The following ARHGAP25 variants were observed in gnomAD, a reference collection of about 807,000 sequenced individuals.
The protein encoded by ARHGAP25 is Rho GTPase activating protein 25.
In ARHGAP25, 34 loss-of-function variants were observed where a neutral mutation model predicts 71.0. That is an observed-to-expected ratio of 0.48 (90% CI 0.36 to 0.64). The LOEUF (loss-of-function observed/expected upper bound fraction) is 0.64. ARHGAP25 is among the 30% of genes least tolerant of loss of function. The pLI, the probability that ARHGAP25 is intolerant of heterozygous loss-of-function variation, is 0.00. For synonymous variants in ARHGAP25, 282 were observed against 296.5 expected (o/e 0.95, Z 0.50); for missense variants, 706 against 805.1 (o/e 0.88, Z 1.49).
rs757436657 is a variant in ARHGAP25 at position 68,819,238 on chromosome 2, A to T, written c.1119A>T (p.Lys373Asn). 5.2e-5 allele frequency: 84 copies of T among 1,614,068 alleles called. No homozygotes were observed. The highest frequency in any genetic ancestry group is 6.9e-5 in the Non-Finnish European group (82 of 1,180,042). ...CTGCCCAGAAAAATGACCCCAAGAA[A>T]GCTCCAGTGGCCCGAAGCTCTGTAG... ...SPPAQKNDPKKAPVARSSVGW... is the reference protein window; with the variant it reads ...SPPAQKNDPKNAPVARSSVGW... The change falls in exon 9 of 11, where the codon AAA (lysine) becomes AAT (asparagine). Residue 373 changes from lysine to asparagine, a missense_variant. Coordinates refer to ENST00000409202, the MANE Select transcript of ARHGAP25 (RefSeq NM_001007231.3).
chr2:68,810,724 TTCTTC>T (rs201802479), intron 5 of ARHGAP25, among the ~76,000 whole-genome samples: 2,561 of 81,688 alleles, frequency 0.031, 75 homozygotes, highest in African/African-American at 0.095. Flanking sequence ...TTCTTTTCTT[TTCTTC>T]TCTTTTTTTT....
chr2:68,816,156 C>T lies in ARHGAP25; in HGVS notation c.808-133C>T, dbSNP rs749505075. 8 of 780,278 alleles carry T rather than the reference C, an allele frequency of 1.0e-5. No individual in the cohort carries two copies. The South Asian group carries it at 1.1e-4, about 11-fold the overall frequency. 48.3% of individuals were successfully genotyped at this position (780,278 alleles called of 1,614,324 possible). ...CCTTTTTTTTTTTAAACCCACAGAA[C>T]TACAGGAACAGGAATGACTGCCAAA... On this transcript the variant is annotated intron_variant, in intron 6 of 10. Coordinates refer to ENST00000409202, the MANE Select transcript of ARHGAP25 (RefSeq NM_001007231.3).
At chr2:68,716,721 T>G (rs1674615629) in intron 2 of ARHGAP25, among the ~76,000 whole-genome samples, 1 of 152,220 alleles carries the variant, frequency 6.6e-6, no homozygotes, top group Non-Finnish European at 1.5e-5. Context: ...GCACTTACAC[T>G]GGTGAGAAAC....
chr2:68,819,555 T>G, intron 9 of ARHGAP25: 1 of 675,190 alleles, frequency 1.5e-6, no homozygotes. Context: ...ACCCAGTGAC[T>G]GAGCAATGAG....
intron 8 of ARHGAP25, 139 bp from the exon 9 acceptor site, chr2:68,818,984 C>A: frequency 1.5e-6 from 1 of 674,714 alleles, no homozygotes; most frequent in Non-Finnish European, 2.4e-6. Flanking sequence ...TAAAAAGGGT[C>A]TTTTGAGAAG....
intron 3 of ARHGAP25, among the ~76,000 whole-genome samples, chr2:68,784,147 C>G (rs1678556809): frequency 6.6e-6 from 1 of 152,006 alleles, no homozygotes. Flanking sequence ...GATCCTTTTT[C>G]TCTCTCTCTT....
chr2:68,749,899 ACTTT>A (rs1242638491), intron 1 of ARHGAP25, among the ~76,000 whole-genome samples: 3 of 152,236 alleles, frequency 2.0e-5, no homozygotes, highest in East Asian at 3.8e-4. Flanking sequence ...CAATTTTGTT[ACTTT>A]ATCATAGTGG....
At chr2:68,765,169 A>T (rs1037616555) in intron 1 of ARHGAP25, among the ~76,000 whole-genome samples, 2 of 152,126 alleles carry the variant, frequency 1.3e-5, no homozygotes, top group Non-Finnish European at 1.5e-5. Context: ...TAAGTCCCTC[A>T]GTTCTTCCCA....
At chr2:68,786,706 A>G (rs972820805) in intron 3 of ARHGAP25, among the ~76,000 whole-genome samples, 2 of 152,208 alleles carry the variant, frequency 1.3e-5, no homozygotes, top group African/African-American at 2.4e-5. Flanking sequence ...GGTGAGGCTC[A>G]GTGATATTAA....
Position 68,807,332 on chromosome 2 carries a change from C to G in ARHGAP25, c.526C>G (p.Leu176Val). 1 of 1,614,260 alleles carries G rather than the reference C, an allele frequency of 6.2e-7. No homozygotes were observed. Among genetic ancestry groups the G allele is most frequent in the Non-Finnish European group, 8.5e-7 (1 of 1,180,048 alleles). ...VAYEQKFGPH[L>V]VPILVEKCAE... ...CTATGAACAGAAATTCGGCCCCCAT[C>G]TGGTGCCCATCCTGGTGGAGAAATG... is the stretch of plus-strand genomic sequence containing the variant. The change falls in exon 5 of 11, where the codon CTG becomes GTG. Residue 176 changes from leucine to valine, a missense_variant. Physicochemically the swap from Leu to Val is conservative, Grantham distance 32. Coordinates refer to ENST00000409202, the MANE Select transcript of ARHGAP25 (RefSeq NM_001007231.3).
chr2:68,726,179 C>T (rs1156402763), intron 2 of ARHGAP25, among the ~76,000 whole-genome samples: 1 of 152,188 alleles, frequency 6.6e-6, no homozygotes, highest in Non-Finnish European at 1.5e-5. Context: ...TTCTTGTTGG[C>T]TGTGTTCTCA....
intron 4 of ARHGAP25, among the ~76,000 whole-genome samples, chr2:68,788,608 A>G (rs1430129959): frequency 6.6e-6 from 1 of 152,202 alleles, no homozygotes; most frequent in Non-Finnish European, 1.5e-5. Context: ...CTGACTAAAG[A>G]AAACGGATGC....
intron 1 of ARHGAP25, among the ~76,000 whole-genome samples, chr2:68,755,554 C>T (rs1454834789): frequency 6.6e-6 from 1 of 152,194 alleles, no homozygotes; most frequent in Non-Finnish European, 1.5e-5. Flanking sequence ...TATGTATTAA[C>T]TGAATTTAAT....
rs1676720634 is a variant in ARHGAP25, at chr2:68,760,234, C to T, written c.62-14987C>T. ...TAAATAACCCACAGTGAACATCATA[C>T]TCAACGTTGAAAGACTCCAAGCTTT... On this transcript the variant is annotated intron_variant, in intron 1 of 10. Coordinates refer to ENST00000409202, the MANE Select transcript of ARHGAP25 (RefSeq NM_001007231.3). Among the ~76,000 whole-genome samples the T allele has an allele frequency of 2.0e-5, 3 of 152,010 alleles. No homozygotes were observed. In the South Asian group the frequency reaches 6.2e-4, roughly 31 times the overall value.
In ARHGAP25 at chr2:68,775,221, C is replaced by G; in HGVS notation, c.62C>G (p.Ala21Gly). 1 of 1,614,276 alleles carries G rather than the reference C, an allele frequency of 6.2e-7. No homozygotes were observed. The highest frequency in any genetic ancestry group is 8.5e-7 in the Non-Finnish European group (1 of 1,180,048). Residue 21 changes from alanine to glycine, a missense_variant and splice_region_variant, in exon 2 of 11, where the codon GCT (alanine) becomes GGT (glycine). By Grantham distance (60) the Ala-to-Gly change is moderately conservative. Coordinates refer to ENST00000409202, the MANE Select transcript of ARHGAP25 (RefSeq NM_001007231.3). ...TCGGCCTGTCTGTTCCTCTCTATAG[C>G]TCGGTCAAGGAGTGTGATGACTGGC... ...FNLKVEAAKI[A>G]RSRSVMTGEQ...
chr2:68,770,091 G>A (rs1289807982), intron 1 of ARHGAP25, among the ~76,000 whole-genome samples: 1 of 152,178 alleles, frequency 6.6e-6, no homozygotes, highest in Non-Finnish European at 1.5e-5. Flanking sequence ...GGTTGGCTGG[G>A]AGAATGTCAC....
Position 68,807,469 on chromosome 2 carries a change from C to A in ARHGAP25, c.663C>A (p.Pro221=). 6.2e-7 allele frequency: 1 copy of A among 1,614,110 alleles called. No homozygotes were observed. The highest frequency in any genetic ancestry group is 8.5e-7 in the Non-Finnish European group (1 of 1,180,010). Residue 221 remains proline, a synonymous_variant, in exon 5 of 11, where the codon CCC becomes CCA. Transcript: ENST00000409202. ...LRDAFDAGER[P]SFDRDTDVHT... The stretch of plus-strand genomic sequence containing the variant: ...ACGCTTTTGATGCTGGGGAGCGGCC[C>A]TCCTTTGACAGGTACATTGCCCCAC...
intron 7 of ARHGAP25, 130 bp from the exon 8 acceptor site, chr2:68,817,743 G>C (rs755303496): frequency 3.5e-6 from 4 of 1,150,672 alleles, no homozygotes; most frequent in African/African-American, 3.1e-5. Flanking sequence ...TGTGGGCAGA[G>C]CAGGCTGGTC....
At chr2:68,803,106 C>T (rs149822768) in intron 4 of ARHGAP25, among the ~76,000 whole-genome samples, 103 of 152,154 alleles carry the variant, frequency 6.8e-4, no homozygotes, top group Middle Eastern at 3.4e-3. Flanking sequence ...ATGCACTTTC[C>T]TAAGGAGAAT....
Sources: gnomAD v4.1 joint callset for allele counts (sites outside exome capture counted in the v4.1 genomes callset) on GRCh38, gnomAD v4.1.1 for gene constraint, MANE v1.5 for transcripts, NCBI Gene and HGNC (gene_info 2026-07-23, HGNC 2026-07-21) for gene names.